KLHL32: variants seen among roughly 807,000 people sequenced by gnomAD.
The protein encoded by KLHL32 is kelch-like protein 32.
In KLHL32, 35 loss-of-function variants were observed where a neutral mutation model predicts 64.8. The observed-to-expected ratio is 0.54, with a 90% CI of 0.41 to 0.72. The LOEUF (loss-of-function observed/expected upper bound fraction) is 0.72, where lower values mean the gene tolerates loss of function less well. KLHL32 is among the 30% of genes least tolerant of loss of function. The probability of loss-of-function intolerance (pLI) is 0.00; values close to 1 mark genes in which losing one functional copy is unlikely to be tolerated. For synonymous variants in KLHL32, 259 were observed against 281.0 expected, an observed-to-expected ratio of 0.92 and a Z score of 0.78; for missense variants, 589 against 768.5, an observed-to-expected ratio of 0.77 and a Z score of 2.76.
At chr6:97,119,249 C>T (rs912756916) in intron 7 of KLHL32, among the ~76,000 whole-genome samples, 1 of 152,156 alleles carries the variant, frequency 6.6e-6, no homozygotes, top group African/African-American at 2.4e-5. Flanking sequence ...CCCTCTCTAT[C>T]CCCTACTGCT....
intron 3 of KLHL32, among the ~76,000 whole-genome samples, chr6:96,987,454 G>C (rs1255845932): frequency 8.5e-5 from 13 of 152,118 alleles, no homozygotes; most frequent in Non-Finnish European, 1.6e-4. Flanking sequence ...AATAAAAGAG[G>C]ATACAAACAA....
rs79205754 is a variant in KLHL32, at chr6:96,936,750, G to C, written c.-66+11724G>C. On this transcript the variant is annotated intron_variant, in intron 1 of 10. Transcript: ENST00000369261. ...TATTTCTTTGCCTAAAACTGCAGCA[G>C]CTTCCATCCCAAGAACCAGACCCTG... 7.1e-3 allele frequency among the ~76,000 whole-genome samples: 1,087 copies of C among 152,210 alleles called. 26 individuals carry two copies. Among genetic ancestry groups the C allele is most frequent in the African/African-American group, 0.025 (1,030 of 41,520 alleles).
chr6:96,968,027 A>G (rs1404951348), intron 2 of KLHL32, among the ~76,000 whole-genome samples: 3 of 152,338 alleles, frequency 2.0e-5, no homozygotes, highest in African/African-American at 7.2e-5. Flanking sequence ...AACCTGGGGA[A>G]TACATTTTTC....
At chr6:97,098,752 T>G (rs1285474094) in intron 6 of KLHL32, among the ~76,000 whole-genome samples, 2 of 152,222 alleles carry the variant, frequency 1.3e-5, no homozygotes, top group African/African-American at 2.4e-5. Flanking sequence ...GATTCCTCAC[T>G]GCAGTACACC....
upstream of KLHL32, among the ~76,000 whole-genome samples, chr6:96,922,165 G>A (rs1768772656): frequency 6.6e-6 from 1 of 151,916 alleles, no homozygotes; most frequent in Admixed American, 6.6e-5. Flanking sequence ...ATATCTAGTG[G>A]GGCTATGAGC....
chr6:96,965,401 A>G (rs748994924), intron 1 of KLHL32, among the ~76,000 whole-genome samples: 22 of 152,172 alleles, frequency 1.4e-4, no homozygotes, highest in Non-Finnish European at 3.1e-4. Context: ...AGAGAATTTC[A>G]TCTATCTTAT....
chr6:97,020,200 CAA>C (rs57725536), intron 3 of KLHL32, among the ~76,000 whole-genome samples: 12,426 of 150,636 alleles, frequency 0.082, 1,396 homozygotes, highest in Admixed American at 0.22. Context: ...TTCGGCCTCC[CAA>C]AGTGCTGGGA....
chr6:97,056,901 C>T (rs774045314), intron 4 of KLHL32, among the ~76,000 whole-genome samples: 18 of 152,154 alleles, frequency 1.2e-4, no homozygotes, highest in East Asian at 3.9e-4. Context: ...AAGTTTATTT[C>T]GCAACTACTC....
At position 96,976,150 on chromosome 6, in the gene KLHL32, C is replaced by T. The variant is rs1382584743; in HGVS notation, c.177C>T (p.Val59=). The stretch of plus-strand genomic sequence containing the variant: ...AGAAATTCCATGCTCACAAGGCAGT[C>T]CTAGCAGCATGCAGTGACTATTTCC... ...EEQKFHAHKA[V]LAACSDYFRA... is the part of the protein sequence containing the mutation. The change falls in exon 3 of 11, where the codon GTC becomes GTT. Residue 59 remains valine (V), a synonymous_variant. Coordinates refer to ENST00000369261, the MANE Select transcript of KLHL32 (RefSeq NM_052904.4). The T allele has an allele frequency of 1.3e-6, 2 of 1,587,604 alleles. No individual in the cohort carries two copies. Among genetic ancestry groups the T allele is most frequent in the South Asian group, 2.3e-5 (2 of 88,510 alleles).
intron 6 of KLHL32, among the ~76,000 whole-genome samples, chr6:97,111,538 G>T (rs1415158530): frequency 6.6e-6 from 1 of 152,190 alleles, no homozygotes; most frequent in Non-Finnish European, 1.5e-5. Flanking sequence ...GTGCTTTTGG[G>T]CACTGGCAGG....
intron 4 of KLHL32, among the ~76,000 whole-genome samples, chr6:97,063,479 T>C (rs1358937150): frequency 6.6e-6 from 1 of 152,098 alleles, no homozygotes; most frequent in Admixed American, 6.5e-5. Context: ...GAGCAAAAGG[T>C]ACTGATACAG....
At chr6:97,082,214 G>GT (rs1250831383) in intron 5 of KLHL32, among the ~76,000 whole-genome samples, 1 of 152,194 alleles carries the variant, frequency 6.6e-6, no homozygotes, top group African/African-American at 2.4e-5. Context: ...TTGACTAGAT[G>GT]TAAGGGAGGA....
chr6:97,107,249 C>T (rs1454152375), intron 6 of KLHL32, among the ~76,000 whole-genome samples: 2 of 151,418 alleles, frequency 1.3e-5, no homozygotes, highest in South Asian at 2.1e-4. Flanking sequence ...GCCGAGATCG[C>T]GCCACTGCAG....
intron 3 of KLHL32, among the ~76,000 whole-genome samples, chr6:97,035,393 A>G (rs947531533): frequency 1.3e-5 from 2 of 151,966 alleles, no homozygotes; most frequent in Non-Finnish European, 2.9e-5. Flanking sequence ...TTACATTATT[A>G]TATATTTGTC....
intron 3 of KLHL32, among the ~76,000 whole-genome samples, chr6:97,030,253 T>C (rs911117991): frequency 1.8e-4 from 27 of 152,212 alleles, no homozygotes; most frequent in African/African-American, 6.5e-4. Flanking sequence ...TGTAGTAGAA[T>C]TTTTGTCAGT....
intron 5 of KLHL32, among the ~76,000 whole-genome samples, chr6:97,084,919 T>C (rs181906669): frequency 6.6e-6 from 1 of 152,066 alleles, no homozygotes; most frequent in Admixed American, 6.5e-5. Flanking sequence ...TTAAGAGGAG[T>C]AAAATGAGGA....
the KLHL32 span, among the ~76,000 whole-genome samples, chr6:96,914,291 T>G: frequency 6.6e-6 from 1 of 152,124 alleles, no homozygotes; most frequent in Non-Finnish European, 1.5e-5. Context: ...GTTTCAAGCC[T>G]CTGTACTTGA....
chr6:96,966,330 A>G (rs1774452907), intron 1 of KLHL32, among the ~76,000 whole-genome samples: 1 of 152,224 alleles, frequency 6.6e-6, no homozygotes, highest in Non-Finnish European at 1.5e-5. Context: ...ATTAAAAACA[A>G]AGACACGGGA....
chr6:97,005,935 T>C (rs1398963925), intron 3 of KLHL32, among the ~76,000 whole-genome samples: 2 of 152,176 alleles, frequency 1.3e-5, no homozygotes, highest in East Asian at 3.8e-4. Context: ...ATGTGGTATG[T>C]GCAGAAGAGA....
Sources: allele counts gnomAD v4.1 joint callset (sites outside exome capture counted in the v4.1 genomes callset), GRCh38; gene constraint gnomAD v4.1.1; transcripts MANE v1.5; gene names NCBI Gene and HGNC (gene_info 2026-07-23, HGNC 2026-07-21).